Variants in LCP2 observed in about 807,000 individuals in gnomAD.
The protein encoded by LCP2 is lymphocyte cytosolic protein 2.
Under a neutral mutation model 74.5 loss-of-function variants are expected in LCP2, and 29 were observed. That is an observed-to-expected ratio of 0.39 (90% CI 0.29 to 0.53). The LOEUF (loss-of-function observed/expected upper bound fraction) is 0.53. Ranked by LOEUF, LCP2 falls within the 20% of genes least tolerant of loss-of-function variation. The pLI, the probability that LCP2 is intolerant of heterozygous loss-of-function variation, is 0.72. For synonymous variants in LCP2, 228 were observed against 229.5 expected, an observed-to-expected ratio of 0.99 and a Z score of 0.06; for missense variants, 604 against 634.6, an observed-to-expected ratio of 0.95 and a Z score of 0.52.
At chr5:170,276,947 G>A (rs1426368448) in intron 3 of LCP2, among the ~76,000 whole-genome samples, 4 of 151,788 alleles carry the variant, frequency 2.6e-5, no homozygotes, top group Non-Finnish European at 4.4e-5. Flanking sequence ...ATGGTGGCAC[G>A]TGCCTGTGGT....
At chr5:170,295,675 A>G (rs1463271752) in intron 1 of LCP2, among the ~76,000 whole-genome samples, 1 of 152,180 alleles carries the variant, frequency 6.6e-6, no homozygotes, top group Non-Finnish European at 1.5e-5. Flanking sequence ...CCATTCCCAA[A>G]TGACTCTGCG....
Position 170,262,966 on chromosome 5 carries a change from C to T in LCP2, c.798+1G>A. On this transcript the variant is annotated splice_donor_variant, in intron 11 of 20. Transcript: ENST00000046794. LOFTEE classifies it high-confidence loss of function. ...AACCAAAAAACAAGTTCACAGCTTA[C>T]CTTGTCAGAAAATGGTGGTTTCTTT... The T allele has an allele frequency of 6.2e-7, 1 of 1,613,958 alleles. No homozygotes were observed. Among genetic ancestry groups the T allele is most frequent in the Non-Finnish European group, 8.5e-7 (1 of 1,179,874 alleles).
chr5:170,268,097 C>A (rs1447922339), intron 8 of LCP2, among the ~76,000 whole-genome samples: 1 of 152,134 alleles, frequency 6.6e-6, no homozygotes, highest in Non-Finnish European at 1.5e-5. Flanking sequence ...GGTACCCAGG[C>A]AACACCAGTA....
intron 15 of LCP2, 165 bp from the exon 16 acceptor site, chr5:170,258,331 G>T: frequency 1.5e-6 from 1 of 645,622 alleles, no homozygotes; most frequent in Non-Finnish European, 2.6e-6. Flanking sequence ...TTGCTCCCAG[G>T]GTGTTTCTAG....
Position 170,267,055 on chromosome 5 carries a change from G to A in LCP2, c.642C>T (p.Thr214=). 1.2e-6 allele frequency: 2 copies of A among 1,613,908 alleles called. No homozygotes were observed. The highest frequency in any genetic ancestry group is 8.5e-7 in the Non-Finnish European group (1 of 1,179,872). Residue 214 remains threonine (T), a synonymous_variant, in exon 9 of 21, where the codon ACC becomes ACT. Transcript: ENST00000046794. ...RNHSPLPPPQ[T]NHEEPSRSRN... is the part of the protein sequence containing the mutation. Reference sequence around the variant, plus strand: ...TGCTTCTGCTGGGTTCTTCGTGGTTGGTCTGGGGTGGGGGCAGTGGCTGCA... The same window carrying A: ...TGCTTCTGCTGGGTTCTTCGTGGTTAGTCTGGGGTGGGGGCAGTGGCTGCA...
intron 16 of LCP2, among the ~76,000 whole-genome samples, chr5:170,257,490 C>A (rs570204464): frequency 5.6e-4 from 86 of 152,216 alleles, no homozygotes; most frequent in Middle Eastern, 3.4e-3. Flanking sequence ...TTGGGGGACA[C>A]CACAGGCTGC....
chr5:170,270,627 C>T, intron 7 of LCP2, 92 bp downstream of exon 7: 1 of 1,196,146 alleles, frequency 8.4e-7, no homozygotes, highest in Non-Finnish European at 1.2e-6. Flanking sequence ...CTTTCTGCTA[C>T]ATGGGCAAGC....
In LCP2 at chr5:170,253,231, T is replaced by A; in HGVS notation, c.1151-18A>T. ...GCTAGGGCCTTCAAAAGTATAGAATTCTGACAGTTAATTTACTGTAAGCTA... is the reference window on the plus strand; with the variant it reads ...GCTAGGGCCTTCAAAAGTATAGAATACTGACAGTTAATTTACTGTAAGCTA... On this transcript the variant is annotated intron_variant, in intron 17 of 20. Coordinates refer to ENST00000046794, the MANE Select transcript of LCP2 (RefSeq NM_005565.5). The A allele has an allele frequency of 6.6e-7, 1 of 1,519,926 alleles. No individual in the cohort carries two copies. Among genetic ancestry groups the A allele is most frequent in the Non-Finnish European group, 9.0e-7 (1 of 1,108,626 alleles). 94.2% of individuals were successfully genotyped at this position (1,519,926 alleles called of 1,614,324 possible).
intron 6 of LCP2, among the ~76,000 whole-genome samples, chr5:170,272,804 G>A (rs1186338201): frequency 1.3e-5 from 2 of 151,064 alleles, no homozygotes; most frequent in African/African-American, 4.9e-5. Context: ...AGTAGAGATG[G>A]GGTTTCACCA....
intron 20 of LCP2, 135 bp from the exon 21 acceptor site, chr5:170,248,954 G>T: frequency 1.2e-6 from 1 of 823,452 alleles, no homozygotes; most frequent in Non-Finnish European, 1.9e-6. Flanking sequence ...ATGTAAATGT[G>T]GCAATTAGTT....
In LCP2 at chr5:170,274,156, G is replaced by A. The variant is rs1015818859; in HGVS notation, c.324+145C>T. The A allele has an allele frequency of 3.7e-6, 3 of 806,474 alleles. No individual in the cohort carries two copies. In the African/African-American group the frequency reaches 5.1e-5, roughly 14 times the overall value. The allele number at this position is 806,474 out of a possible 1,614,324, so 50.0% of individuals were successfully genotyped here. A position where few individuals can be genotyped will look rare whatever the true frequency, so the allele number is the denominator to read the frequency against. ...CCAAAACTATTTCCTGTCTGGCCCT[G>A]TGCAGAGCACCTTTTCTGGGCCCTG... On this transcript the variant is annotated intron_variant, in intron 6 of 20. Transcript: ENST00000046794.
chr5:170,274,621 C>G lies in LCP2; in HGVS notation c.287-283G>C, dbSNP rs572367325. ...TTTAAGACCTGTAGATACCTGGGGG[C>G]CTATGCCTACAGCTTCTGACTCAGT... On this transcript the variant is annotated intron_variant, in intron 5 of 20. Coordinates refer to ENST00000046794, the MANE Select transcript of LCP2 (RefSeq NM_005565.5). Among the ~76,000 whole-genome samples the G allele has an allele frequency of 2.6e-5, 4 of 152,288 alleles. No homozygotes were observed. In the East Asian group the frequency reaches 7.7e-4, roughly 29 times the overall value.
At chr5:170,291,924 A>G (rs1762301658) in intron 2 of LCP2, among the ~76,000 whole-genome samples, 2 of 152,250 alleles carry the variant, frequency 1.3e-5, no homozygotes. Context: ...TCAAATCTCA[A>G]TACAAATAAA....
chr5:170,264,150 T>C (rs749648538), intron 10 of LCP2, among the ~76,000 whole-genome samples: 2 of 152,240 alleles, frequency 1.3e-5, no homozygotes, highest in Non-Finnish European at 2.9e-5. Flanking sequence ...CCAGAACCGA[T>C]GAACTTTCTC....
At chr5:170,278,410 TG>T (rs1281454306) in intron 3 of LCP2, among the ~76,000 whole-genome samples, 1 of 7,404 alleles carries the variant, frequency 1.4e-4, no homozygotes. Context: ...GTGCAGGGGT[TG>T]GGGGCGGGGG....
intron 13 of LCP2, 108 bp downstream of exon 13, chr5:170,262,527 C>G: frequency 1.3e-6 from 1 of 755,948 alleles, no homozygotes; most frequent in South Asian, 1.8e-5. Context: ...AAAGGCCCAC[C>G]CTGCCCGGGA....
In LCP2 at chr5:170,253,109, G is replaced by A; in HGVS notation, c.1245+10C>T. On this transcript the variant is annotated intron_variant, in intron 18 of 20. Transcript: ENST00000046794. ...GGCAAACAAACAAAAATAAAAACAT[G>A]CTCTCTTACCTCTTCCTCCGCGGGG... The A allele has an allele frequency of 6.3e-7, 1 of 1,575,368 alleles. No individual in the cohort carries two copies. Among genetic ancestry groups the A allele is most frequent in the Non-Finnish European group, 8.7e-7 (1 of 1,150,440 alleles).
At chr5:170,257,933 A>G (rs1021763810) in intron 16 of LCP2, 104 bp downstream of exon 16, 31 of 1,295,266 alleles carry the variant, frequency 2.4e-5, no homozygotes, top group African/African-American at 5.9e-5. Flanking sequence ...AGACCCTACT[A>G]TCTACCCGTC....
intron 13 of LCP2, among the ~76,000 whole-genome samples, chr5:170,261,527 T>G (rs1157279934): frequency 6.6e-6 from 1 of 152,174 alleles, no homozygotes; most frequent in Non-Finnish European, 1.5e-5. Flanking sequence ...AGCTATTAAA[T>G]TTTACTGAGC....
Sources: allele counts gnomAD v4.1 joint callset (sites outside exome capture counted in the v4.1 genomes callset), GRCh38; gene constraint gnomAD v4.1.1; transcripts MANE v1.5; gene names NCBI Gene and HGNC (gene_info 2026-07-23, HGNC 2026-07-21).